Variants in SMG9 observed in about 807,000 individuals in gnomAD.
SMG9 encodes the protein SMG9 nonsense mediated mRNA decay factor.
In SMG9, 55 loss-of-function variants were observed where a neutral mutation model predicts 64.0. The ratio of observed to expected loss-of-function variants is 0.86; its 90% CI spans 0.69 to 1.08. The LOEUF (loss-of-function observed/expected upper bound fraction) is 1.08. Ranked by LOEUF, SMG9 falls within the 50% of genes least tolerant of loss-of-function variation. The pLI, the probability that SMG9 is intolerant of heterozygous loss-of-function variation, is 0.00. For missense variants in SMG9, 554 were observed against 681.3 expected (o/e 0.81, Z 2.08); for synonymous variants, 244 against 254.8 (o/e 0.96, Z 0.41).
Position 43,738,116 on chromosome 19 carries a change from C to CCGTGA in SMG9, c.909+5_909+6insTCACG. On this transcript the variant is annotated splice_donor_region_variant and intron_variant, in intron 8 of 13. Coordinates refer to ENST00000270066, the MANE Select transcript of SMG9 (RefSeq NM_019108.4). Reference sequence around the variant, plus strand: ...CTCAGTCCTGGGCCTGGCTTGGCTCCCTCACCTGCATTTCAACGTAAGTGT... The same window carrying CCGTGA: ...CTCAGTCCTGGGCCTGGCTTGGCTCCCGTGACTCACCTGCATTTCAACGTAAGTGT... 6.2e-7 allele frequency: 1 copy of CCGTGA among 1,613,814 alleles called. No individual in the cohort carries two copies. Among genetic ancestry groups the CCGTGA allele is most frequent in the Non-Finnish European group, 8.5e-7 (1 of 1,179,768 alleles).
intron 6 of SMG9, among the ~76,000 whole-genome samples, chr19:43,742,464 C>G (rs139835439): frequency 6.6e-6 from 1 of 152,100 alleles, no homozygotes; most frequent in Non-Finnish European, 1.5e-5. Context: ...TTTTTAAAAC[C>G]TGTAACCTAG....
intron 6 of SMG9, 53 bp from the exon 7 acceptor site, chr19:43,740,271 A>G (rs430066): frequency 0.038 from 49,199 of 1,282,910 alleles, 2,354 homozygotes; most frequent in African/African-American, 0.23. Context: ...TCAGCCTTGG[A>G]TGCATCCGAA....
At chr19:43,750,324 G>C in intron 2 of SMG9, 1 of 643,402 alleles carries the variant, frequency 1.6e-6, no homozygotes, top group Non-Finnish European at 2.9e-6. Context: ...TGTTCTTTCT[G>C]TCTGGAATGC....
At chr19:43,752,916 A>AAAAAAAAAAAAG (rs1433797448) in intron 1 of SMG9, among the ~76,000 whole-genome samples, 1 of 148,864 alleles carries the variant, frequency 6.7e-6, no homozygotes, top group African/African-American at 2.5e-5. Flanking sequence ...AAAAAAAAAA[A>AAAAAAAAAAAAG]GCAGAACCCT....
chr19:43,753,978 C>A (rs959926807), intron 1 of SMG9, among the ~76,000 whole-genome samples: 1 of 151,708 alleles, frequency 6.6e-6, no homozygotes, highest in African/African-American at 2.4e-5. Context: ...TGTTTCCGGG[C>A]TCCTTTGGGG....
In SMG9 at chr19:43,738,133, C is replaced by A; in HGVS notation, c.898G>T (p.Val300Phe). ...PPEYNLPHTY[V>F]EMQSLQIAAF... ...CTTGGCTCCCTCACCTGCATTTCAA[C>A]GTAAGTGTGGGGAAGGTTGTACTCT... The change falls in exon 8 of 14, where the codon GTT becomes TTT. Residue 300 changes from valine to phenylalanine, a missense_variant. By Grantham distance (50) the Val-to-Phe change is conservative. Transcript: ENST00000270066. 6.2e-7 allele frequency: 1 copy of A among 1,614,014 alleles called. No homozygotes were observed. The highest frequency in any genetic ancestry group is 1.1e-5 in the South Asian group (1 of 91,076).
At chr19:43,732,307 A>G (rs10404922) in intron 13 of SMG9, 3,234 of 160,750 alleles carry the variant, frequency 0.02, 107 homozygotes, top group African/African-American at 0.072. Context: ...ATATGCTGAG[A>G]GCTCTGGACA....
At chr19:43,745,281 C>T (rs1004444496) in intron 5 of SMG9, among the ~76,000 whole-genome samples, 2 of 152,192 alleles carry the variant, frequency 1.3e-5, no homozygotes, top group South Asian at 2.1e-4. Flanking sequence ...GGCACAGATT[C>T]CTGGCAAACC....
chr19:43,750,813 G>T, intron 1 of SMG9, 66 bp from the exon 2 acceptor site: 4 of 1,456,034 alleles, frequency 2.7e-6, no homozygotes, highest in Non-Finnish European at 3.7e-6. Context: ...GCATATCCTA[G>T]ACTATACGAA....
At chr19:43,745,375 A>G (rs1316515107) in intron 5 of SMG9, among the ~76,000 whole-genome samples, 4 of 151,132 alleles carry the variant, frequency 2.6e-5, no homozygotes, top group Admixed American at 2.6e-4. Context: ...GTTTTTTTTT[A>G]CATTCATATG....
In SMG9 at chr19:43,733,696, A is replaced by T. The variant is rs756084662; in HGVS notation, c.1140T>A (p.Cys380Ter). Residue 380 changes from cysteine (C) to a stop codon, truncating the protein, a stop_gained, in exon 11 of 14, where the codon TGT (cysteine) becomes TGA (stop). Transcript: ENST00000270066. LOFTEE classifies it high-confidence loss of function. ...LQNKARREDF[C>*]PRKLRQMHLM... ...GGTGCATCTGCCGCAGCTTCCGAGGACAGAAGTCCTCTCGGCGAGCTTTGT... is the reference window on the plus strand; with the variant it reads ...GGTGCATCTGCCGCAGCTTCCGAGGTCAGAAGTCCTCTCGGCGAGCTTTGT... 5 of 1,613,978 alleles carry T rather than the reference A, an allele frequency of 3.1e-6. No homozygotes were observed. The highest frequency in any genetic ancestry group is 4.2e-6 in the Non-Finnish European group (5 of 1,180,038).
At chr19:43,753,621 G>A (rs1969261535) in intron 1 of SMG9, among the ~76,000 whole-genome samples, 2 of 151,690 alleles carry the variant, frequency 1.3e-5, no homozygotes, top group South Asian at 2.1e-4. Flanking sequence ...CCACCAGGCC[G>A]GGCTAAGTTT....
chr19:43,737,298 A>AT, intron 9 of SMG9, among the ~76,000 whole-genome samples: 2 of 151,278 alleles, frequency 1.3e-5, no homozygotes, highest in Non-Finnish European at 3.0e-5. Context: ...AAATAAATAA[A>AT]AATAAAGGGA....
At position 43,731,186 on chromosome 19, in the gene SMG9, C is replaced by T. The variant is rs1968471310; in HGVS notation, c.*410G>A. On this transcript the variant is annotated 3_prime_UTR_variant, in exon 14 of 14. Transcript: ENST00000270066. Reference sequence around the variant, plus strand: ...ACTGTGTTTATTTGAACCACCAGATCTGTTCCAATAAAGAGCTCTCCAGAC... The same window carrying T: ...ACTGTGTTTATTTGAACCACCAGATTTGTTCCAATAAAGAGCTCTCCAGAC... The T allele has an allele frequency of 9.9e-7, 1 of 1,006,414 alleles. No homozygotes were observed. The highest frequency in any genetic ancestry group is 1.7e-5 in the African/African-American group (1 of 57,910). The allele number at this position is 1,006,414 out of a possible 1,614,324, so 62.3% of individuals were successfully genotyped here.
chr19:43,730,159 C>T lies in SMG9; in HGVS notation c.*1437G>A, dbSNP rs1035384962. The T allele has an allele frequency of 3.9e-5, 6 of 152,284 alleles. No individual in the cohort carries two copies. Among genetic ancestry groups the T allele is most frequent in the African/African-American group, 1.4e-4 (6 of 41,432 alleles). The allele number at this position is 152,284 out of a possible 1,614,324, so 9.4% of individuals were successfully genotyped here. A position where few individuals can be genotyped will look rare whatever the true frequency, so the allele number is the denominator to read the frequency against. On this transcript the variant is annotated 3_prime_UTR_variant, in exon 14 of 14. Transcript: ENST00000270066. ...GGAAACCAGGGAGACAAATATGTGC[C>T]ACGGGCGGCAGGGGGTGGGGGAGGG...
intron 6 of SMG9, among the ~76,000 whole-genome samples, chr19:43,742,535 T>C (rs1056630093): frequency 6.6e-6 from 1 of 152,192 alleles, no homozygotes; most frequent in African/African-American, 2.4e-5. Flanking sequence ...TGCCGAATAG[T>C]GTGTTTATTT....
chr19:43,752,725 C>T lies in SMG9; in HGVS notation c.-7+1929G>A, dbSNP rs544478979. Among the ~76,000 whole-genome samples the T allele has an allele frequency of 2.4e-3, 367 of 152,064 alleles. 11 individuals are homozygous for T. Among genetic ancestry groups the T allele is most frequent in the Admixed American group, 0.023 (356 of 15,276 alleles). ...CCAGCTTGGGCAACATAGCAAGATC[C>T]TGTCTCTATATAACATTTAAAAAAG... On this transcript the variant is annotated intron_variant, in intron 1 of 13. Transcript: ENST00000270066.
chr19:43,737,677 G>C lies in SMG9; in HGVS notation c.915C>G (p.Leu305=), dbSNP rs757754913. The change falls in exon 9 of 14, where the codon CTC becomes CTG. Residue 305 remains leucine (L), a synonymous_variant. Transcript: ENST00000270066. The part of the protein sequence containing the change: ...LPHTYVEMQS[L]QIAAFLFTVC... ...CCGTGAAAAGGAAGGCAGCAATCTG[G>C]AGTGACTGAGGGTGGGCAGGATGGA... 1 of 1,613,880 alleles carries C rather than the reference G, an allele frequency of 6.2e-7. No homozygotes were observed. The highest frequency in any genetic ancestry group is 1.1e-5 in the South Asian group (1 of 91,052).
chr19:43,736,552 T>C (rs1011969288), intron 9 of SMG9, among the ~76,000 whole-genome samples: 3 of 152,132 alleles, frequency 2.0e-5, no homozygotes, highest in Non-Finnish European at 2.9e-5. Flanking sequence ...CCTGCCTCCC[T>C]GAGTACCAAC....
Sources: gnomAD v4.1 joint callset for allele counts (sites outside exome capture counted in the v4.1 genomes callset) on GRCh38, gnomAD v4.1.1 for gene constraint, MANE v1.5 for transcripts, NCBI Gene and HGNC (gene_info 2026-07-23, HGNC 2026-07-21) for gene names.